Variants in NEBL observed in about 807,000 individuals in gnomAD.
The protein encoded by NEBL is nebulette.
NEBL carries 122 observed loss-of-function variants against 140.2 expected under a neutral mutation model. The observed-to-expected ratio is 0.87, with a 90% CI of 0.75 to 1.01. The LOEUF (loss-of-function observed/expected upper bound fraction) is 1.01. Among genes scored for constraint, NEBL ranks in the 50% least tolerant of loss-of-function variants. NEBL has a pLI of 0.00. For missense variants in NEBL, 1,365 were observed against 1,231.3 expected (o/e 1.11, Z -1.62); for synonymous variants, 436 against 398.9 (o/e 1.09, Z -1.11).
chr10:21,049,046 T>C (rs1834647599), intron 2 of NEBL, among the ~76,000 whole-genome samples: 3 of 152,152 alleles, frequency 2.0e-5, no homozygotes, highest in Admixed American at 2.0e-4. Flanking sequence ...TCTAGAAGAA[T>C]AATTCCTTCT....
chr10:21,138,879 G>A (rs765676957), intron 2 of NEBL, among the ~76,000 whole-genome samples: 22 of 149,044 alleles, frequency 1.5e-4, no homozygotes, highest in Middle Eastern at 3.6e-3. Flanking sequence ...AACAGAGAGC[G>A]ATTACTATCA....
chr10:20,810,145 A>C (rs954946707), intron 24 of NEBL, among the ~76,000 whole-genome samples: 1 of 152,154 alleles, frequency 6.6e-6, no homozygotes. Flanking sequence ...CTATTCATTG[A>C]GCTGCCCTAT....
chr10:21,192,912 A>G (rs1446363925), intron 3 of NEBL, among the ~76,000 whole-genome samples: 2 of 152,070 alleles, frequency 1.3e-5, no homozygotes, highest in Admixed American at 1.3e-4. Flanking sequence ...AAAAATATAC[A>G]AACACCTTGA....
chr10:20,838,844 A>G (rs546895012), intron 13 of NEBL, among the ~76,000 whole-genome samples: 27 of 152,198 alleles, frequency 1.8e-4, no homozygotes, highest in Non-Finnish European at 3.1e-4. Flanking sequence ...CATTAGCACT[A>G]TTATAAATAA....
At chr10:21,139,123 TAA>T (rs1394358844) in intron 2 of NEBL, among the ~76,000 whole-genome samples, 1 of 152,164 alleles carries the variant, frequency 6.6e-6, no homozygotes, top group Non-Finnish European at 1.5e-5. Flanking sequence ...TCTCAGATGT[TAA>T]GAGTCACGGC....
chr10:21,078,804 G>C (rs985320809), intron 2 of NEBL, among the ~76,000 whole-genome samples: 1 of 152,116 alleles, frequency 6.6e-6, no homozygotes, highest in Non-Finnish European at 1.5e-5. Flanking sequence ...AGAGATATTT[G>C]GGCAAAGCAC....
chr10:20,952,921 A>AAAAAG (rs1564459606), intron 4 of NEBL, among the ~76,000 whole-genome samples: 1 of 146,760 alleles, frequency 6.8e-6, no homozygotes, highest in African/African-American at 2.5e-5. Flanking sequence ...AAAAAAAAAA[A>AAAAAG]AAAAGAAAAA....
At position 20,840,611 on chromosome 10, in the gene NEBL, A is replaced by T. The variant is rs1260833266; in HGVS notation, c.1338+128T>A. ...AATTAATAGTCCAAGAAAAGACTAC[A>T]AGGATATAGCTGTTTACAATCACTT... On this transcript the variant is annotated intron_variant, in intron 13 of 27. Coordinates refer to ENST00000377122, the MANE Select transcript of NEBL (RefSeq NM_006393.3). 5.8e-6 allele frequency: 4 copies of T among 689,052 alleles called. No homozygotes were observed. The African/African-American group carries it at 7.2e-5, about 12-fold the overall frequency. The allele number at this position is 689,052 out of a possible 1,614,324, so 42.7% of individuals were successfully genotyped here.
intron 2 of NEBL, among the ~76,000 whole-genome samples, chr10:21,076,582 C>T (rs1836102624): frequency 6.6e-6 from 1 of 151,118 alleles, no homozygotes; most frequent in South Asian, 2.1e-4. Flanking sequence ...GCAGCGTTGA[C>T]CACAACAGAT....
At chr10:21,126,106 C>T (rs142167688) in intron 2 of NEBL, 113 of 1,612,130 alleles carry the variant, frequency 7.0e-5, no homozygotes, top group Middle Eastern at 3.3e-4. Context: ...CTCGGCTCTC[C>T]GTTCTGCCTT....
At chr10:21,215,626 A>T (rs939324493) in intron 3 of NEBL, among the ~76,000 whole-genome samples, 2 of 152,130 alleles carry the variant, frequency 1.3e-5, no homozygotes, top group African/African-American at 4.8e-5. Context: ...CACTACCATA[A>T]TATTTTCCAC....
Position 21,173,251 on chromosome 10 carries a change from C to A in NEBL, c.69+514G>T, listed in dbSNP as rs1330531250. Reference sequence around the variant, plus strand: ...GCTTGCCGCGCTGAGCCGGAGCTCTCCAGCAGGGATTATTCTTAGCAATGC... The same window carrying A: ...GCTTGCCGCGCTGAGCCGGAGCTCTACAGCAGGGATTATTCTTAGCAATGC... On this transcript the variant is annotated intron_variant, in intron 1 of 6. Transcript: ENST00000417816. The surrounding 1 kb of genome is among the most constrained non-coding windows in gnomAD (Gnocchi z 5.7). 6.6e-6 allele frequency among the ~76,000 whole-genome samples: 1 copy of A among 152,214 alleles called. No homozygotes were observed. The highest frequency in any genetic ancestry group is 1.5e-5 in the Non-Finnish European group (1 of 68,034).
chr10:21,173,897 C>T lies in NEBL; in HGVS notation c.-64G>A, dbSNP rs1564536414. 6.3e-7 allele frequency: 1 copy of T among 1,580,356 alleles called. No individual in the cohort carries two copies. On this transcript the variant is annotated 5_prime_UTR_variant, in exon 1 of 7. Transcript: ENST00000417816. The surrounding 1 kb of genome is among the most constrained non-coding windows in gnomAD (Gnocchi z 5.7). ...GGCTCCCAGGAGCCGCTGTGACATC[C>T]CCCGGCGAGCCCCGCACCGCCTCCT...
At chr10:21,099,144 A>ATAAAAT (rs1205577181) in intron 2 of NEBL, among the ~76,000 whole-genome samples, 1 of 152,262 alleles carries the variant, frequency 6.6e-6, no homozygotes, top group Non-Finnish European at 1.5e-5. Flanking sequence ...AAAAATAAAA[A>ATAAAAT]TAAAATCAAA....
rs75248234 is a variant in NEBL at position 20,824,010 on chromosome 10, A to C, written c.1870-710T>G. Among the ~76,000 whole-genome samples, 1,361 of 152,258 alleles carry C rather than the reference A, an allele frequency of 8.9e-3. 37 individuals are homozygous for C. Among genetic ancestry groups the C allele is most frequent in the East Asian group, 0.085 (439 of 5,166 alleles). On this transcript the variant is annotated intron_variant, in intron 18 of 27. Transcript: ENST00000377122. ...AAAATCTCCCCCATCACATATATTT[A>C]GAGGAAGATCAATCAGGCAAATGGT...
chr10:21,250,200 A>T (rs1842569737), intron 2 of NEBL, among the ~76,000 whole-genome samples: 1 of 152,210 alleles, frequency 6.6e-6, no homozygotes, highest in Non-Finnish European at 1.5e-5. Flanking sequence ...TTAATGTTTG[A>T]GTCCATGAGC....
At chr10:20,823,822 T>C (rs1200820863) in intron 18 of NEBL, among the ~76,000 whole-genome samples, 1 of 151,564 alleles carries the variant, frequency 6.6e-6, no homozygotes, top group Non-Finnish European at 1.5e-5. Context: ...GTGAGCACAA[T>C]AAAAGAAGAG....
chr10:21,229,534 C>T (rs976479343), intron 3 of NEBL, among the ~76,000 whole-genome samples: 2 of 152,220 alleles, frequency 1.3e-5, no homozygotes, highest in Admixed American at 6.5e-5. Context: ...TTAAGAAGAG[C>T]ATGTTATGTC....
intron 22 of NEBL, 120 bp from the exon 23 acceptor site, chr10:20,814,163 T>G: frequency 4.1e-6 from 3 of 729,124 alleles, no homozygotes; most frequent in Middle Eastern, 2.3e-4. Context: ...AGGTAACTAT[T>G]TCAGTGAATT....
Sources: gnomAD v4.1 joint callset for allele counts (sites outside exome capture counted in the v4.1 genomes callset) on GRCh38, gnomAD v4.1.1 for gene constraint, Gnocchi (gnomAD v3.1) non-coding constraint, MANE v1.5 for transcripts, NCBI Gene and HGNC (gene_info 2026-07-23, HGNC 2026-07-21) for gene names.